The following NBAS variants were observed in gnomAD, a reference collection of about 807,000 sequenced individuals.
NBAS encodes the protein NAG/BC035112 fusion.
A neutral mutation model predicts 302.5 loss-of-function variants in NBAS; 219 were observed. The ratio of observed to expected loss-of-function variants is 0.72; its 90% CI spans 0.65 to 0.81. The LOEUF (loss-of-function observed/expected upper bound fraction) is 0.81. Among genes scored for constraint, NBAS ranks in the 30% least tolerant of loss-of-function variants. The pLI is 0.00. For synonymous variants in NBAS, 1,118 were observed against 1,021.6 expected, an observed-to-expected ratio of 1.09 and a Z score of -1.80; for missense variants, 2,932 against 2,841.6, an observed-to-expected ratio of 1.03 and a Z score of -0.72.
intron 38 of NBAS, among the ~76,000 whole-genome samples, chr2:15,319,514 G>C (rs1362353989): frequency 1.3e-5 from 2 of 151,908 alleles, no homozygotes; most frequent in African/African-American, 4.8e-5. Flanking sequence ...GAGCAATAAA[G>C]AGGAAAGAGA....
At chr2:15,431,940 A>C (rs1223188544) in intron 21 of NBAS, among the ~76,000 whole-genome samples, 1 of 152,290 alleles carries the variant, frequency 6.6e-6, no homozygotes, top group East Asian at 1.9e-4. Flanking sequence ...AAAACTGCCC[A>C]AATTTTAGCT....
the NBAS span, among the ~76,000 whole-genome samples, chr2:14,974,907 C>G: frequency 2.3e-3 from 351 of 152,310 alleles, 1 homozygote; most frequent in African/African-American, 8.3e-3. Context: ...AGAACTTTCT[C>G]TAGCTGGTGG....
chr2:15,532,572 G>A (rs1663275482), intron 9 of NBAS, among the ~76,000 whole-genome samples: 3 of 150,556 alleles, frequency 2.0e-5, no homozygotes, highest in South Asian at 2.1e-4. Context: ...AAAATTCTTT[G>A]TGCATACTCG....
intron 41 of NBAS, among the ~76,000 whole-genome samples, chr2:15,288,327 A>G (rs1670151398): frequency 6.6e-6 from 1 of 152,216 alleles, no homozygotes; most frequent in Non-Finnish European, 1.5e-5. Flanking sequence ...TGGTAGAGCT[A>G]AAAGAGAAGA....
chr2:15,104,513 T>G, the NBAS span, among the ~76,000 whole-genome samples: 13 of 151,778 alleles, frequency 8.6e-5, no homozygotes, highest in Non-Finnish European at 1.3e-4. Flanking sequence ...TTTTTTTTTT[T>G]TACCAAAATT....
At chr2:14,956,359 T>A in the NBAS span, among the ~76,000 whole-genome samples, 1 of 152,194 alleles carries the variant, frequency 6.6e-6, no homozygotes, top group South Asian at 2.1e-4. Context: ...AACTTTCCCA[T>A]ATTTTTCTGT....
At chr2:14,918,871 A>C in the NBAS span, among the ~76,000 whole-genome samples, 3 of 152,272 alleles carry the variant, frequency 2.0e-5, no homozygotes, top group South Asian at 6.2e-4. Flanking sequence ...CAAGAGGCAG[A>C]GTTGACATAG....
At chr2:15,270,585 A>T (rs1406817870) in intron 44 of NBAS, among the ~76,000 whole-genome samples, 1 of 152,200 alleles carries the variant, frequency 6.6e-6, no homozygotes, top group South Asian at 2.1e-4. Context: ...TTTGAGAATG[A>T]CCAATCTATA....
the NBAS span, among the ~76,000 whole-genome samples, chr2:14,783,245 GT>G: frequency 6.6e-6 from 1 of 152,074 alleles, no homozygotes; most frequent in African/African-American, 2.4e-5. Flanking sequence ...ACTGGAAAAT[GT>G]GGTTGACCTA....
At chr2:15,456,660 G>C (rs1679260731) in intron 21 of NBAS, among the ~76,000 whole-genome samples, 1 of 152,182 alleles carries the variant, frequency 6.6e-6, no homozygotes, top group Non-Finnish European at 1.5e-5. Context: ...GATAAGGATG[G>C]AAACAAAACA....
the NBAS span, among the ~76,000 whole-genome samples, chr2:15,106,145 T>G: frequency 6.6e-3 from 1,005 of 152,216 alleles, 11 homozygotes; most frequent in African/African-American, 0.023. Context: ...ATGCTGAACA[T>G]GAATTTGGCC....
downstream of NBAS, chr2:15,166,882 G>GA (rs369473113): frequency 8.4e-5 from 75 of 892,452 alleles, no homozygotes; most frequent in Middle Eastern, 3.6e-4. Flanking sequence ...GTACAAGAAA[G>GA]AAAAAAAAGG....
the NBAS span, among the ~76,000 whole-genome samples, chr2:15,111,669 G>A: frequency 1.3e-5 from 2 of 151,280 alleles, no homozygotes; most frequent in Non-Finnish European, 2.9e-5. Context: ...CCCCCTCTAA[G>A]GAAAAACTGC....
At chr2:15,175,188 G>A (rs991775884) in intron 51 of NBAS, among the ~76,000 whole-genome samples, 2 of 152,010 alleles carry the variant, frequency 1.3e-5, no homozygotes, top group African/African-American at 4.8e-5. Context: ...GGATGGTCTC[G>A]ATCTCCTGAC....
chr2:15,031,658 CT>C, the NBAS span, among the ~76,000 whole-genome samples: 8 of 152,348 alleles, frequency 5.3e-5, no homozygotes, highest in African/African-American at 1.9e-4. Context: ...ATGAAGAGAG[CT>C]TTTCCCCCAC....
At chr2:15,173,267 C>T (rs1308238593) in intron 51 of NBAS, among the ~76,000 whole-genome samples, 1 of 152,172 alleles carries the variant, frequency 6.6e-6, no homozygotes, top group Non-Finnish European at 1.5e-5. Flanking sequence ...TGCTTAATTC[C>T]TCTTCCAACA....
chr2:15,195,669 G>A (rs886693252), intron 48 of NBAS, among the ~76,000 whole-genome samples: 1 of 152,160 alleles, frequency 6.6e-6, no homozygotes, highest in Non-Finnish European at 1.5e-5. Context: ...GCAGATATCA[G>A]GGAAAGGCAG....
chr2:14,969,553 T>G, the NBAS span, among the ~76,000 whole-genome samples: 2 of 152,194 alleles, frequency 1.3e-5, no homozygotes, highest in Admixed American at 1.3e-4. Flanking sequence ...ATTTTTTTAT[T>G]TTTAGTAGAG....
intron 44 of NBAS, among the ~76,000 whole-genome samples, chr2:15,271,924 A>C (rs764400829): frequency 1.8e-4 from 28 of 152,178 alleles, no homozygotes; most frequent in African/African-American, 4.6e-4. Context: ...ACAACAACAA[A>C]AAAAAGCATT....
Sources: allele counts gnomAD v4.1 joint callset (sites outside exome capture counted in the v4.1 genomes callset), GRCh38; gene constraint gnomAD v4.1.1; transcripts MANE v1.5; gene names NCBI Gene and HGNC (gene_info 2026-07-23, HGNC 2026-07-21).